TOM1L2: variants seen among roughly 807,000 people sequenced by gnomAD.
TOM1L2 encodes target of myb1 like 2 membrane trafficking protein, also known as TOM1-like protein 2.
TOM1L2 carries 31 observed loss-of-function variants against 67.9 expected under a neutral mutation model. The observed-to-expected ratio is 0.46, with a 90% CI of 0.34 to 0.62. TOM1L2 has a LOEUF of 0.62. TOM1L2 is among the 20% of genes least tolerant of loss of function. The probability of loss-of-function intolerance (pLI) is 0.01; values close to 1 mark genes in which losing one functional copy is unlikely to be tolerated. For synonymous variants in TOM1L2, 256 were observed against 254.0 expected, an observed-to-expected ratio of 1.01 and a Z score of -0.07; for missense variants, 606 against 663.5, an observed-to-expected ratio of 0.91 and a Z score of 0.95.
chr17:17,882,576 A>C (rs887074321), intron 6 of TOM1L2, 129 bp downstream of exon 6: 1 of 1,269,968 alleles, frequency 7.9e-7, no homozygotes, highest in Non-Finnish European at 1.1e-6. Context: ...CTGGGGATTG[A>C]GCCCTTCCAT....
intron 1 of TOM1L2, among the ~76,000 whole-genome samples, chr17:17,931,658 C>T (rs1002087322): frequency 3.3e-5 from 5 of 152,202 alleles, no homozygotes; most frequent in Non-Finnish European, 7.3e-5. Flanking sequence ...AATGGAGTTG[C>T]AGAGTTATCT....
chr17:17,903,775 C>T lies in TOM1L2; in HGVS notation c.137+3672G>A, dbSNP rs2038964563. Among the ~76,000 whole-genome samples the T allele has an allele frequency of 2.0e-5, 3 of 152,026 alleles. No homozygotes were observed. The South Asian group carries it at 6.2e-4, about 32-fold the overall frequency. On this transcript the variant is annotated intron_variant, in intron 2 of 14. Coordinates refer to ENST00000379504, the MANE Select transcript of TOM1L2 (RefSeq NM_001082968.2). ...ATCAGTACAACACGGGTTATGAAAT[C>T]ATATAACAGAGGACTTGTCCAAATC...
At chr17:17,857,794 T>C (rs1382056663) in intron 12 of TOM1L2, 2 of 1,535,504 alleles carry the variant, frequency 1.3e-6, no homozygotes, top group East Asian at 2.4e-5. Context: ...AAGCCAGCTG[T>C]CTATGGGCTC....
At chr17:17,954,844 AC>A (rs1482351600) in intron 1 of TOM1L2, among the ~76,000 whole-genome samples, 1 of 152,216 alleles carries the variant, frequency 6.6e-6, no homozygotes, top group Non-Finnish European at 1.5e-5. Flanking sequence ...CATGCTAAAC[AC>A]ATTATGAAAA....
rs1352648192 is a variant in TOM1L2 at position 17,882,809 on chromosome 17, T to C, written c.556A>G (p.Arg186Gly). ...ATMPRSQSQQ[R>G]TSAGSYSSPP... The stretch of plus-strand genomic sequence containing the variant: ...GAGGAATAGGAACCAGCACTTGTCC[T>C]CTGCTGTGATTGGGACCTGGGCATG... Residue 186 changes from arginine to glycine, a missense_variant, in exon 6 of 15, where the codon AGG (arginine) becomes GGG (glycine). Around this residue, in one of 2 missense-constraint regions of TOM1L2, gnomAD observed 543 missense variants for 554.0 expected, o/e 0.98. Transcript: ENST00000379504. The C allele has an allele frequency of 6.2e-7, 1 of 1,614,216 alleles. No individual in the cohort carries two copies. The highest frequency in any genetic ancestry group is 2.2e-5 in the East Asian group (1 of 44,892).
chr17:17,845,226 C>T lies in TOM1L2; in HGVS notation c.*2409G>A, dbSNP rs1163577256. The T allele has an allele frequency of 1.3e-5, 2 of 152,236 alleles. No homozygotes were observed. The highest frequency in any genetic ancestry group is 4.8e-5 in the African/African-American group (2 of 41,460). The allele number at this position is 152,236 out of a possible 1,614,324, so 9.4% of individuals were successfully genotyped here. On this transcript the variant is annotated 3_prime_UTR_variant, in exon 15 of 15. Coordinates refer to ENST00000379504, the MANE Select transcript of TOM1L2 (RefSeq NM_001082968.2). ...AGGCCACCTGAGGGGTGGCTCCAGG[C>T]TAGGAAGGCAGGTGACACTTGTCAG...
At chr17:17,967,499 G>A (rs1186928959) in intron 1 of TOM1L2, among the ~76,000 whole-genome samples, 1 of 152,256 alleles carries the variant, frequency 6.6e-6, no homozygotes, top group Non-Finnish European at 1.5e-5. Context: ...GATTAAGACA[G>A]TTAACATTTT....
chr17:17,869,472 T>A lies in TOM1L2; in HGVS notation c.779A>T (p.Glu260Val). 1 of 1,604,856 alleles carries A rather than the reference T, an allele frequency of 6.2e-7. No individual in the cohort carries two copies. Among genetic ancestry groups the A allele is most frequent in the Non-Finnish European group, 8.5e-7 (1 of 1,175,114 alleles). The change falls in exon 8 of 15, where the codon GAG (glutamate) becomes GTG (valine). Residue 260 changes from glutamate to valine, a missense_variant and splice_region_variant. This residue lies in a region of TOM1L2 where 543 missense variants were observed against 554.0 expected (regional missense o/e 0.98). Transcript: ENST00000379504. Reference sequence around the variant, plus strand: ...CATGGCCCGACAGGTCCTGTTGAGCTCCTAGGGAACACATGCACCTCTGGG... The same window carrying A: ...CATGGCCCGACAGGTCCTGTTGAGCACCTAGGGAACACATGCACCTCTGGG... Reference protein sequence around the residue: ...EDSSDLELLQELNRTCRAMQQ... With the variant: ...EDSSDLELLQVLNRTCRAMQQ...
intron 3 of TOM1L2, 120 bp from the exon 4 acceptor site, chr17:17,893,930 G>C (rs1194311571): frequency 1.5e-5 from 15 of 1,019,012 alleles, no homozygotes; most frequent in Non-Finnish European, 2.1e-5. Flanking sequence ...TCAGCTTTCT[G>C]ACACGTCTCC....
At chr17:17,871,885 A>G (rs2037172608) in intron 7 of TOM1L2, 1 of 777,476 alleles carries the variant, frequency 1.3e-6, no homozygotes, top group Non-Finnish European at 1.6e-6. Flanking sequence ...AAGTGCTAGA[A>G]TTAATAAGAG....
intron 1 of TOM1L2, among the ~76,000 whole-genome samples, chr17:17,955,824 G>C (rs1393509059): frequency 6.6e-6 from 1 of 152,184 alleles, no homozygotes; most frequent in African/African-American, 2.4e-5. Flanking sequence ...GCTGTGTTCT[G>C]AGTTTCTTCC....
chr17:17,962,789 T>C (rs1395483082), intron 1 of TOM1L2, among the ~76,000 whole-genome samples: 1 of 151,884 alleles, frequency 6.6e-6, no homozygotes, highest in Non-Finnish European at 1.5e-5. Context: ...TGAAACCCTA[T>C]CTCTACTAAA....
intron 12 of TOM1L2, among the ~76,000 whole-genome samples, chr17:17,857,561 G>T (rs1033845163): frequency 4.6e-5 from 7 of 152,226 alleles, no homozygotes; most frequent in African/African-American, 1.7e-4. Flanking sequence ...TGGGGACAGG[G>T]AGGTATTTTT....
At chr17:17,901,200 G>A (rs2038836496) in intron 2 of TOM1L2, among the ~76,000 whole-genome samples, 1 of 152,220 alleles carries the variant, frequency 6.6e-6, no homozygotes, top group Non-Finnish European at 1.5e-5. Flanking sequence ...AAGCTTCAGA[G>A]AGGAGGATCA....
intron 4 of TOM1L2, among the ~76,000 whole-genome samples, chr17:17,888,653 C>A (rs1054096335): frequency 6.6e-6 from 1 of 152,182 alleles, no homozygotes; most frequent in Non-Finnish European, 1.5e-5. Flanking sequence ...CCCATCCCCA[C>A]CCCAATCAGT....
intron 12 of TOM1L2, among the ~76,000 whole-genome samples, chr17:17,854,537 T>A (rs1002505846): frequency 6.6e-6 from 1 of 152,054 alleles, no homozygotes; most frequent in African/African-American, 2.4e-5. Context: ...TTAATTAATT[T>A]ATTTAGAGAC....
chr17:17,917,193 G>A (rs369770321), intron 1 of TOM1L2, among the ~76,000 whole-genome samples: 39 of 151,864 alleles, frequency 2.6e-4, no homozygotes, highest in Middle Eastern at 3.4e-3. Context: ...TTAGCTGGGC[G>A]TGGTGGCGCA....
chr17:17,951,918 C>A (rs1189068791), intron 1 of TOM1L2, among the ~76,000 whole-genome samples: 1 of 152,200 alleles, frequency 6.6e-6, no homozygotes, highest in East Asian at 1.9e-4. Flanking sequence ...GTCACTCGGG[C>A]TCTGTTGGTG....
chr17:17,869,309 A>C, intron 8 of TOM1L2, 31 bp downstream of exon 8: 1 of 369,438 alleles, frequency 2.7e-6, no homozygotes, highest in Admixed American at 6.4e-5. Context: ...TTTTCAAGGG[A>C]AAAAAAAAAA....
Sources: gnomAD v4.1 joint callset for allele counts (sites outside exome capture counted in the v4.1 genomes callset) on GRCh38, gnomAD v4.1.1 for gene constraint, gnomAD v4.1.1 regional missense constraint, MANE v1.5 for transcripts, NCBI Gene and HGNC (gene_info 2026-07-23, HGNC 2026-07-21) for gene names.